The following ECPAS variants were observed in gnomAD, a reference collection of about 807,000 sequenced individuals.
ECPAS encodes the protein proteasome adapter and scaffold protein ECM29.
ECPAS carries 70 observed loss-of-function variants against 255.1 expected under a neutral mutation model. The ratio of observed to expected loss-of-function variants is 0.27; its 90% confidence interval spans 0.23 to 0.33. The LOEUF is 0.33. Ranked by LOEUF, ECPAS falls within the 10% of genes least tolerant of loss-of-function variation. The probability of loss-of-function intolerance (pLI) is 1.00; values close to 1 mark genes in which losing one functional copy is unlikely to be tolerated. For missense variants in ECPAS, 1,817 were observed against 2,206.4 expected, an observed-to-expected ratio of 0.82 and a Z score of 3.54; for synonymous variants, 784 against 775.0, an observed-to-expected ratio of 1.01 and a Z score of -0.19.
At chr9:111,383,416 C>A in intron 34 of ECPAS, 84 bp from the exon 35 acceptor site, 1 of 1,480,186 alleles carries the variant, frequency 6.8e-7, no homozygotes, top group Non-Finnish European at 9.1e-7. Flanking sequence ...TTCTACTTCA[C>A]ATATCTACAG....
At chr9:111,470,093 A>G (rs1156405281) in intron 2 of ECPAS, among the ~76,000 whole-genome samples, 2 of 152,138 alleles carry the variant, frequency 1.3e-5, no homozygotes, top group African/African-American at 2.4e-5. Flanking sequence ...CACAGGCAAC[A>G]AAGTCCTGAG....
chr9:111,461,345 G>A (rs2098272874), intron 2 of ECPAS, among the ~76,000 whole-genome samples: 1 of 151,686 alleles, frequency 6.6e-6, no homozygotes, highest in Non-Finnish European at 1.5e-5. Context: ...TGCACCTGTA[G>A]TCCCTGCTAC....
chr9:111,397,846 T>C (rs187544359), intron 24 of ECPAS, among the ~76,000 whole-genome samples: 1 of 152,364 alleles, frequency 6.6e-6, no homozygotes, highest in East Asian at 1.9e-4. Flanking sequence ...ACAGGAGTTC[T>C]TTACACTATT....
intron 35 of ECPAS, among the ~76,000 whole-genome samples, chr9:111,379,834 A>C (rs2098138299): frequency 6.6e-6 from 1 of 152,194 alleles, no homozygotes; most frequent in African/African-American, 2.4e-5. Flanking sequence ...TCTTCTGTTC[A>C]AGTTTCATCA....
chr9:111,376,612 A>T (rs2098133621), intron 36 of ECPAS, 71 bp from the exon 37 acceptor site: 1 of 1,137,816 alleles, frequency 8.8e-7, no homozygotes, highest in South Asian at 1.3e-5. Context: ...ACACCCATAA[A>T]AGACTTTCAC....
At chr9:111,375,876 C>T (rs571702782) in intron 37 of ECPAS, among the ~76,000 whole-genome samples, 34 of 152,224 alleles carry the variant, frequency 2.2e-4, no homozygotes, top group African/African-American at 7.9e-4. Flanking sequence ...CCTTCAGAGT[C>T]CTGCTAAAGG....
At chr9:111,421,076 G>A (rs765665972) in intron 15 of ECPAS, among the ~76,000 whole-genome samples, 16 of 151,794 alleles carry the variant, frequency 1.1e-4, no homozygotes, top group Non-Finnish European at 1.6e-4. Flanking sequence ...TTCCAAATAC[G>A]CCTACACACC....
intron 36 of ECPAS, among the ~76,000 whole-genome samples, chr9:111,378,088 G>C (rs1411335233): frequency 6.6e-6 from 1 of 152,120 alleles, no homozygotes; most frequent in African/African-American, 2.4e-5. Context: ...AGAGGTTGCA[G>C]TGAGCCGAGA....
In ECPAS at chr9:111,365,288, T is replaced by TATCATCATCATCATCATC. The variant is rs143492409; in HGVS notation, c.5308+933_5308+950dup. ...CTGTCTCAAAAATAATAATAACCAT[T>TATCATCATCATCATCATC]ATCATCATCATCATCATCATCATCA... On this transcript the variant is annotated intron_variant, in intron 48 of 49. Coordinates refer to ENST00000684092, the MANE Select transcript of ECPAS (RefSeq NM_001364929.1). 8.1e-5 allele frequency among the ~76,000 whole-genome samples: 12 copies of TATCATCATCATCATCATC among 147,648 alleles called. No individual in the cohort carries two copies. In the East Asian group the frequency reaches 1.8e-3, roughly 23 times the overall value.
intron 23 of ECPAS, among the ~76,000 whole-genome samples, chr9:111,409,211 T>G (rs1323157788): frequency 6.6e-6 from 1 of 152,192 alleles, no homozygotes; most frequent in Non-Finnish European, 1.5e-5. Context: ...TAATAAAAAC[T>G]ATACTGTATA....
intron 31 of ECPAS, among the ~76,000 whole-genome samples, chr9:111,388,194 A>G (rs955674600): frequency 6.6e-6 from 1 of 151,896 alleles, no homozygotes; most frequent in Non-Finnish European, 1.5e-5. Context: ...AAAGAGGTAA[A>G]TAACAAACTG....
intron 6 of ECPAS, among the ~76,000 whole-genome samples, chr9:111,439,190 A>G (rs560067540): frequency 8.5e-5 from 13 of 152,336 alleles, no homozygotes; most frequent in East Asian, 1.9e-4. Context: ...TAGTGCAGTT[A>G]TATCTGTCTA....
chr9:111,476,099 T>G (rs2098295917), intron 1 of ECPAS, among the ~76,000 whole-genome samples: 2 of 152,210 alleles, frequency 1.3e-5, no homozygotes, highest in Non-Finnish European at 2.9e-5. Flanking sequence ...AACTGAAGTT[T>G]CCCATGGCTA....
At chr9:111,464,336 C>T (rs1263967722) in intron 2 of ECPAS, among the ~76,000 whole-genome samples, 1 of 150,826 alleles carries the variant, frequency 6.6e-6, no homozygotes, top group Non-Finnish European at 1.5e-5. Flanking sequence ...ACTCAGTACT[C>T]GAGAGGCTGA....
intron 3 of ECPAS, among the ~76,000 whole-genome samples, chr9:111,450,537 C>A (rs1025797881): frequency 1.3e-5 from 2 of 152,176 alleles, no homozygotes; most frequent in African/African-American, 4.8e-5. Context: ...GACCATAGCT[C>A]AAAGACTGGA....
intron 31 of ECPAS, 64 bp from the exon 32 acceptor site, chr9:111,386,520 C>T (rs1171503537): frequency 2.9e-5 from 27 of 918,906 alleles, no homozygotes; most frequent in Non-Finnish European, 4.7e-5. Flanking sequence ...TTACTCAACT[C>T]TTAACCACAC....
intron 24 of ECPAS, among the ~76,000 whole-genome samples, chr9:111,404,813 CAAAAA>C (rs35277070): frequency 5.7e-5 from 3 of 52,856 alleles, no homozygotes; most frequent in African/African-American, 2.8e-4. Flanking sequence ...TAATAGCTAC[CAAAAA>C]AAAAAAAAAA....
chr9:111,381,447 A>G (rs116143235), intron 35 of ECPAS, among the ~76,000 whole-genome samples: 1,559 of 152,348 alleles, frequency 0.01, 28 homozygotes, highest in African/African-American at 0.035. Context: ...CAAAACAGAT[A>G]TAATAGTAAT....
chr9:111,446,213 AAG>A (rs1255571572), intron 3 of ECPAS, among the ~76,000 whole-genome samples: 1 of 152,248 alleles, frequency 6.6e-6, no homozygotes, highest in African/African-American at 2.4e-5. Context: ...TAAGTGGGAA[AAG>A]AGAGCAAAAT....
Sources: allele counts gnomAD v4.1 joint callset (sites outside exome capture counted in the v4.1 genomes callset), GRCh38; gene constraint gnomAD v4.1.1; transcripts MANE v1.5; gene names NCBI Gene and HGNC (gene_info 2026-07-23, HGNC 2026-07-21).